The following GALR1 variants were observed in gnomAD, a reference collection of about 807,000 sequenced individuals.
The protein encoded by GALR1 is galanin receptor type 1.
GALR1 carries 11 observed loss-of-function variants against 17.9 expected under a neutral mutation model. The ratio of observed to expected loss-of-function variants is 0.62; its 90% CI spans 0.39 to 1.02. The LOEUF is 1.02. GALR1 is among the 50% of genes least tolerant of loss of function. The pLI is 0.01. For missense variants in GALR1, 441 were observed against 456.9 expected, an observed-to-expected ratio of 0.97 and a Z score of 0.32; for synonymous variants, 206 against 205.7, an observed-to-expected ratio of 1.00 and a Z score of -0.01.
chr18:77,265,221 A>G (rs1568143937), intron 2 of GALR1, among the ~76,000 whole-genome samples: 1 of 152,210 alleles, frequency 6.6e-6, no homozygotes, highest in Admixed American at 6.5e-5. Flanking sequence ...AATAGGAGAA[A>G]TTAGCCAAAA....
chr18:77,269,753 A>T lies in GALR1; in HGVS notation c.*851A>T, dbSNP rs552706413. 4 of 152,222 alleles carry T rather than the reference A, an allele frequency of 2.6e-5. No individual in the cohort carries two copies. Among genetic ancestry groups the T allele is most frequent in the Non-Finnish European group, 5.9e-5 (4 of 68,034 alleles). 9.4% of individuals were successfully genotyped at this position (152,222 alleles called of 1,614,324 possible). ...TTGCCTTGAATGGAACCTACTAAAAAGAGAGATGAAAAAAAATCAGCGAGG... is the reference window on the plus strand; with the variant it reads ...TTGCCTTGAATGGAACCTACTAAAATGAGAGATGAAAAAAAATCAGCGAGG... On this transcript the variant is annotated 3_prime_UTR_variant, in exon 3 of 3. Coordinates refer to ENST00000299727, the MANE Select transcript of GALR1 (RefSeq NM_001480.4).
intron 2 of GALR1, among the ~76,000 whole-genome samples, chr18:77,264,671 G>C (rs1912908295): frequency 6.6e-6 from 1 of 152,116 alleles, no homozygotes; most frequent in Non-Finnish European, 1.5e-5. Flanking sequence ...ATGTTTAATT[G>C]ACTCACACTT....
chr18:77,270,683 A>G lies in GALR1; in HGVS notation c.*1781A>G, dbSNP rs1333521996. 6.6e-6 allele frequency: 1 copy of G among 152,094 alleles called. No homozygotes were observed. Among genetic ancestry groups the G allele is most frequent in the Non-Finnish European group, 1.5e-5 (1 of 68,026 alleles). 9.4% of individuals were successfully genotyped at this position (152,094 alleles called of 1,614,324 possible). ...TTAGCTCATTCACTTACTTTCACTA[A>G]TCATATTTCAGTGACTAGTGTTTAC... On this transcript the variant is annotated 3_prime_UTR_variant, in exon 3 of 3. Coordinates refer to ENST00000299727, the MANE Select transcript of GALR1 (RefSeq NM_001480.4).
rs71174629 is a variant in GALR1, at chr18:77,273,650, TAAAA to T, written c.*4757_*4760del. On this transcript the variant is annotated 3_prime_UTR_variant, in exon 3 of 3. Transcript: ENST00000299727. The stretch of plus-strand genomic sequence containing the variant: ...AACTCTGTCTCAAAAAAATAAAAAT[TAAAA>T]AAAAAAAAGAAGGTGGCCAGTGAGG... 7.0e-6 allele frequency: 1 copy of T among 142,936 alleles called. No individual in the cohort carries two copies. The allele number at this position is 142,936 out of a possible 1,614,324, so 8.9% of individuals were successfully genotyped here.
rs537368637 is a variant in GALR1, at chr18:77,271,553, T to C, written c.*2651T>C. On this transcript the variant is annotated 3_prime_UTR_variant, in exon 3 of 3. Transcript: ENST00000299727. ...TTCCCAGCTAGATTTCCCCCTAATATACAATGACCAATTCTGAAGCACCTT... is the reference window on the plus strand; with the variant it reads ...TTCCCAGCTAGATTTCCCCCTAATACACAATGACCAATTCTGAAGCACCTT... 10 of 152,276 alleles carry C rather than the reference T, an allele frequency of 6.6e-5. No homozygotes were observed. The highest frequency in any genetic ancestry group is 1.2e-4 in the Non-Finnish European group (8 of 68,014). 9.4% of individuals were successfully genotyped at this position (152,276 alleles called of 1,614,324 possible).
chr18:77,259,410 T>G (rs111164274), intron 2 of GALR1, among the ~76,000 whole-genome samples: 17 of 67,328 alleles, frequency 2.5e-4, no homozygotes, highest in East Asian at 7.5e-4. Context: ...TCATGGTGGT[T>G]ATGGTGGTGA....
rs78843267 is a variant in GALR1, at chr18:77,276,900, A to G, written c.*7998A>G. The G allele has an allele frequency of 0.01, 1,588 of 152,298 alleles. 31 individuals are homozygous for G. The highest frequency in any genetic ancestry group is 0.036 in the African/African-American group (1,510 of 41,538). The allele number at this position is 152,298 out of a possible 1,614,324, so 9.4% of individuals were successfully genotyped here. ...GTTTAATAACTTGTAAGACTTTCAGAGATTGTTATAATTTTTGCCTCAAAA... is the reference window on the plus strand; with the variant it reads ...GTTTAATAACTTGTAAGACTTTCAGGGATTGTTATAATTTTTGCCTCAAAA... On this transcript the variant is annotated 3_prime_UTR_variant, in exon 3 of 3. Transcript: ENST00000299727.
chr18:77,265,357 C>T (rs576582497), intron 2 of GALR1, among the ~76,000 whole-genome samples: 2 of 152,338 alleles, frequency 1.3e-5, no homozygotes, highest in East Asian at 3.9e-4. Flanking sequence ...AGGTGGGCTC[C>T]CATGGCCTTG....
At position 77,251,224 on chromosome 18, in the gene GALR1, G is replaced by A. The variant is rs371050471; in HGVS notation, c.666+10G>A. 2.5e-6 allele frequency: 4 copies of A among 1,587,078 alleles called. No individual in the cohort carries two copies. The highest frequency in any genetic ancestry group is 3.3e-4 in the Middle Eastern group (2 of 5,980). ...CTTCTGCTATGCCAAGGTGCACGCC[G>A]GTCGCGGGGCCGAGACGCGCGAGGG... is the stretch of plus-strand genomic sequence containing the variant. On this transcript the variant is annotated intron_variant, in intron 1 of 2. Coordinates refer to ENST00000299727, the MANE Select transcript of GALR1 (RefSeq NM_001480.4).
In GALR1 at chr18:77,250,380, C is replaced by G. The variant is rs548735742; in HGVS notation, c.-169C>G. On this transcript the variant is annotated 5_prime_UTR_variant, in exon 1 of 3. Coordinates refer to ENST00000299727, the MANE Select transcript of GALR1 (RefSeq NM_001480.4). ...CCGGCGCAAAGACGGTGCCACCAGG[C>G]ACGGCCACCGGATCCCCGCTCCCGC... 1.1e-3 allele frequency among the ~76,000 whole-genome samples: 173 copies of G among 152,178 alleles called. 1 individual carries two copies. Among genetic ancestry groups the G allele is most frequent in the Non-Finnish European group, 1.9e-3 (130 of 68,022 alleles).
At chr18:77,252,923 T>TCACCACCATCACCACCACCACCACCAC (rs1912475536) in intron 1 of GALR1, among the ~76,000 whole-genome samples, 1 of 84,670 alleles carries the variant, frequency 1.2e-5, no homozygotes, top group African/African-American at 5.0e-5. Context: ...ACCACCACCA[T>TCACCACCATCACCACCACCACCACCAC]CACCACCACC....
In GALR1 at chr18:77,270,909, G is replaced by A. The variant is rs764017340; in HGVS notation, c.*2007G>A. On this transcript the variant is annotated 3_prime_UTR_variant, in exon 3 of 3. Coordinates refer to ENST00000299727, the MANE Select transcript of GALR1 (RefSeq NM_001480.4). ...AGGAGCAGAAAAATTTTATCCTGAC[G>A]ATGATACTTCCTGTGATTTGTGGAA... is the stretch of plus-strand genomic sequence containing the variant. 2 of 152,136 alleles carry A rather than the reference G, an allele frequency of 1.3e-5. No individual in the cohort carries two copies. Among genetic ancestry groups the A allele is most frequent in the African/African-American group, 2.4e-5 (1 of 41,410 alleles). 9.4% of individuals were successfully genotyped at this position (152,136 alleles called of 1,614,324 possible).
At chr18:77,252,632 G>A (rs1339569262) in intron 1 of GALR1, among the ~76,000 whole-genome samples, 1 of 152,040 alleles carries the variant, frequency 6.6e-6, no homozygotes, top group Non-Finnish European at 1.5e-5. Flanking sequence ...TGGATCACCT[G>A]AGGTCGGGAA....
intron 2 of GALR1, among the ~76,000 whole-genome samples, chr18:77,260,418 C>T (rs1912805631): frequency 6.6e-6 from 1 of 152,160 alleles, no homozygotes; most frequent in South Asian, 2.1e-4. Context: ...TGTGAGGCAG[C>T]TCTCTAGGCC....
intron 2 of GALR1, among the ~76,000 whole-genome samples, chr18:77,258,948 G>GA (rs1555672686): frequency 8.6e-4 from 108 of 125,054 alleles, no homozygotes; most frequent in Middle Eastern, 8.8e-3. Context: ...GATGATGGTG[G>GA]TCATGGTGGT....
rs1192160030 is a variant in GALR1, at chr18:77,249,980, G to A, written c.-569G>A. On this transcript the variant is annotated 5_prime_UTR_variant, in exon 1 of 3. Coordinates refer to ENST00000299727, the MANE Select transcript of GALR1 (RefSeq NM_001480.4). ...GAAAAGCCGGGAGGGAGTCGGAGGCGCCAGCCCACTGGGGAGGTGGCGCTG... is the reference window on the plus strand; with the variant it reads ...GAAAAGCCGGGAGGGAGTCGGAGGCACCAGCCCACTGGGGAGGTGGCGCTG... Among the ~76,000 whole-genome samples the A allele has an allele frequency of 6.6e-6, 1 of 152,228 alleles. No homozygotes were observed. Among genetic ancestry groups the A allele is most frequent in the Non-Finnish European group, 1.5e-5 (1 of 68,042 alleles).
In GALR1 at chr18:77,269,767, A is replaced by C. The variant is rs1412535667; in HGVS notation, c.*865A>C. 6.6e-6 allele frequency: 1 copy of C among 152,242 alleles called. No homozygotes were observed. The highest frequency in any genetic ancestry group is 1.5e-5 in the Non-Finnish European group (1 of 68,034). The allele number at this position is 152,242 out of a possible 1,614,324, so 9.4% of individuals were successfully genotyped here. ...ACCTACTAAAAAGAGAGATGAAAAA[A>C]AATCAGCGAGGTTGATGTAGATAAT... On this transcript the variant is annotated 3_prime_UTR_variant, in exon 3 of 3. Coordinates refer to ENST00000299727, the MANE Select transcript of GALR1 (RefSeq NM_001480.4).
Position 77,270,091 on chromosome 18 carries a change from G to T in GALR1, c.*1189G>T, listed in dbSNP as rs1302050044. ...TCATGACAATTTTATATTGATGTGT[G>T]TTTACAATGAGAAAATGGCATGAAA... On this transcript the variant is annotated 3_prime_UTR_variant, in exon 3 of 3. Coordinates refer to ENST00000299727, the MANE Select transcript of GALR1 (RefSeq NM_001480.4). 1 of 152,172 alleles carries T rather than the reference G, an allele frequency of 6.6e-6. No homozygotes were observed. Among genetic ancestry groups the T allele is most frequent in the African/African-American group, 2.4e-5 (1 of 41,442 alleles). 9.4% of individuals were successfully genotyped at this position (152,172 alleles called of 1,614,324 possible).
At chr18:77,254,097 C>T (rs908420138) in intron 1 of GALR1, 2 of 152,180 alleles carry the variant, frequency 1.3e-5, no homozygotes, top group Non-Finnish European at 2.9e-5. Flanking sequence ...TAAGTTACTC[C>T]GAATCCCCAG....
Sources: allele counts gnomAD v4.1 joint callset (sites outside exome capture counted in the v4.1 genomes callset), GRCh38; gene constraint gnomAD v4.1.1; transcripts MANE v1.5; gene names NCBI Gene and HGNC (gene_info 2026-07-23, HGNC 2026-07-21).